ADGRA2: variants seen among roughly 807,000 people sequenced by gnomAD.
ADGRA2 encodes adhesion G protein-coupled receptor A2.
Under a neutral mutation model 98.7 loss-of-function variants are expected in ADGRA2, and 61 were observed. The ratio of observed to expected loss-of-function variants is 0.62; its 90% confidence interval spans 0.50 to 0.76. ADGRA2 has a LOEUF of 0.76. ADGRA2 is among the 30% of genes least tolerant of loss of function. The pLI, the probability that ADGRA2 is intolerant of heterozygous loss-of-function variation, is 0.00. For missense variants in ADGRA2, 1,712 were observed against 1,860.0 expected (o/e 0.92, Z 1.46); for synonymous variants, 858 against 831.5 (o/e 1.03, Z -0.55).
rs1325815393 is a variant in ADGRA2, at chr8:37,830,465, C to T, written c.719-245C>T. On this transcript the variant is annotated intron_variant, in intron 6 of 18. Transcript: ENST00000412232. This position sits in a 1 kb window ranked among gnomAD's most constrained non-coding sequence, Gnocchi z 4.8. Reference sequence around the variant, plus strand: ...ACTGCTTGTTTATGTTTTCATCTGGCCCCACCTCTTGGGGTAACACGTGTG... The same window carrying T: ...ACTGCTTGTTTATGTTTTCATCTGGTCCCACCTCTTGGGGTAACACGTGTG... 6.6e-6 allele frequency among the ~76,000 whole-genome samples: 1 copy of T among 152,176 alleles called. No individual in the cohort carries two copies. The highest frequency in any genetic ancestry group is 2.4e-5 in the African/African-American group (1 of 41,424).
At position 37,844,595 on chromosome 8, in the gene ADGRA2, A is replaced by G. The variant is rs767314999; in HGVS notation, c.*2240A>G. 4.3e-6 allele frequency: 7 copies of G among 1,614,150 alleles called. No homozygotes were observed. Among genetic ancestry groups the G allele is most frequent in the Non-Finnish European group, 5.9e-6 (7 of 1,180,024 alleles). On this transcript the variant is annotated 3_prime_UTR_variant, in exon 19 of 19. Coordinates refer to ENST00000412232, the MANE Select transcript of ADGRA2 (RefSeq NM_032777.10). The stretch of plus-strand genomic sequence containing the variant: ...GCAAATACTGTTCTATTTCACTATC[A>G]GAAATGTTCTCATCTCCAGTGACAG...
chr8:37,799,990 A>C (rs1804450671), intron 1 of ADGRA2, among the ~76,000 whole-genome samples: 1 of 152,120 alleles, frequency 6.6e-6, no homozygotes, highest in Non-Finnish European at 1.5e-5. Context: ...AAGCTGGGCA[A>C]AGGTTCCTTC....
In ADGRA2 at chr8:37,835,245, C is replaced by A. The variant is rs772778001; in HGVS notation, c.1680C>A (p.Ala560=). 6.2e-7 allele frequency: 1 copy of A among 1,614,028 alleles called. No individual in the cohort carries two copies. The highest frequency in any genetic ancestry group is 1.1e-5 in the South Asian group (1 of 91,080). ...GCTACGTGGGCCTGACCTGCACAGCCTTCCAGAGGAGGGAGGGAGGGGTGC... is the reference window on the plus strand; with the variant it reads ...GCTACGTGGGCCTGACCTGCACAGCATTCCAGAGGAGGGAGGGAGGGGTGC... ...PHSYVGLTCT[A]FQRREGGVPG... The change falls in exon 12 of 19, where the codon GCC becomes GCA. Residue 560 remains alanine (A), a synonymous_variant. Transcript: ENST00000412232.
intron 16 of ADGRA2, 105 bp from the exon 17 acceptor site, chr8:37,840,016 G>T: frequency 9.2e-7 from 1 of 1,081,640 alleles, no homozygotes; most frequent in Non-Finnish European, 1.3e-6. Flanking sequence ...TAAAAAAGCT[G>T]GGGGCCGGAG....
intron 2 of ADGRA2, among the ~76,000 whole-genome samples, chr8:37,817,535 T>C (rs1249875644): frequency 6.6e-6 from 1 of 151,332 alleles, no homozygotes; most frequent in African/African-American, 2.4e-5. Context: ...TGAGACCCTG[T>C]CTCTAGAAAA....
intron 2 of ADGRA2, among the ~76,000 whole-genome samples, chr8:37,823,638 A>C (rs1805188292): frequency 6.6e-6 from 1 of 152,156 alleles, no homozygotes; most frequent in Non-Finnish European, 1.5e-5. Context: ...CGAACTGTGA[A>C]ACTGTTTTCC....
At position 37,841,049 on chromosome 8, in the gene ADGRA2, C is replaced by G; in HGVS notation, c.2748-37C>G. On this transcript the variant is annotated intron_variant, in intron 18 of 18. Transcript: ENST00000412232. The surrounding 1 kb of genome is among the most constrained non-coding windows in gnomAD (Gnocchi z 5.0). ...GGCCCCCAGCCCCACCCCAGCCATG[C>G]CCCCTGTCCTCATCACTGCTTCTGT... The G allele has an allele frequency of 6.5e-7, 1 of 1,549,008 alleles. No individual in the cohort carries two copies. Among genetic ancestry groups the G allele is most frequent in the Non-Finnish European group, 8.7e-7 (1 of 1,144,640 alleles).
At chr8:37,831,096 A>G (rs1805440096) in intron 7 of ADGRA2, among the ~76,000 whole-genome samples, 173 bp downstream of exon 7, 3 of 152,346 alleles carry the variant, frequency 2.0e-5, no homozygotes, top group African/African-American at 7.2e-5. Context: ...GCTAGAAATA[A>G]ATATCTGATA....
At chr8:37,807,529 T>C (rs1011422055) in intron 1 of ADGRA2, among the ~76,000 whole-genome samples, 2 of 152,234 alleles carry the variant, frequency 1.3e-5, no homozygotes, top group African/African-American at 4.8e-5. Flanking sequence ...GAGGCAATGC[T>C]TCTTTTTTAG....
chr8:37,797,409 G>A lies in ADGRA2; in HGVS notation c.141G>A (p.Ser47=), dbSNP rs772993858. The A allele has an allele frequency of 1.8e-4, 259 of 1,431,974 alleles. 1 individual carries two copies. Among genetic ancestry groups the A allele is most frequent in the South Asian group, 2.9e-5 (2 of 68,638 alleles). 88.7% of individuals were successfully genotyped at this position (1,431,974 alleles called of 1,614,324 possible). ...CPLSIRSCKC[S]GERPKGLSGG... ...TATCCATCCGCAGCTGCAAGTGCTC[G>A]GGGGAGCGGCCCAAGGGGCTGAGCG... is the stretch of plus-strand genomic sequence containing the variant. Residue 47 remains serine (S), a synonymous_variant, in exon 1 of 19, where the codon TCG becomes TCA. Coordinates refer to ENST00000412232, the MANE Select transcript of ADGRA2 (RefSeq NM_032777.10). This position sits in a 1 kb window ranked among gnomAD's most constrained non-coding sequence, Gnocchi z 5.3.
rs1458049241 is a variant in ADGRA2, at chr8:37,841,033, C to T, written c.2748-53C>T. ...TCTCCCCAACCACCCCGGCCCCCAG[C>T]CCCACCCCAGCCATGCCCCCTGTCC... On this transcript the variant is annotated intron_variant, in intron 18 of 18. Coordinates refer to ENST00000412232, the MANE Select transcript of ADGRA2 (RefSeq NM_032777.10). The surrounding 1 kb of genome is among the most constrained non-coding windows in gnomAD (Gnocchi z 5.0). The T allele has an allele frequency of 4.6e-6, 7 of 1,514,768 alleles. No individual in the cohort carries two copies. Among genetic ancestry groups the T allele is most frequent in the Non-Finnish European group, 6.3e-6 (7 of 1,118,932 alleles). 93.8% of individuals were successfully genotyped at this position (1,514,768 alleles called of 1,614,324 possible).
At chr8:37,836,083 ACACACACACACACACC>A (rs1805606195) in intron 13 of ADGRA2, among the ~76,000 whole-genome samples, 2 of 132,630 alleles carry the variant, frequency 1.5e-5, no homozygotes, top group African/African-American at 5.5e-5. Flanking sequence ...ACACACACAC[ACACACACACACACACC>A]CCACAGGCCC....
At chr8:37,818,198 CA>C (rs1805031826) in intron 2 of ADGRA2, among the ~76,000 whole-genome samples, 1 of 152,132 alleles carries the variant, frequency 6.6e-6, no homozygotes, top group Non-Finnish European at 1.5e-5. Context: ...AGGCAAGCCG[CA>C]GTGGTCTCTT....
rs1805699858 is a variant in ADGRA2, at chr8:37,838,956, G to T, written c.2260G>T (p.Glu754Ter). The T allele has an allele frequency of 6.4e-7, 1 of 1,564,732 alleles. No individual in the cohort carries two copies. The highest frequency in any genetic ancestry group is 1.2e-5 in the South Asian group (1 of 82,340). ...QHLGNVAVLM[E>*]LSAFPREVGG... ...CGTCCTCCTTCCTGCCCTTTCCCAG[G>T]AGCTGAGCGCCTTTCCCAGGGAGGT... Residue 754 changes from glutamate to a stop codon, truncating the protein, a stop_gained and splice_region_variant, in exon 15 of 19, where the codon GAG becomes TAG. Transcript: ENST00000412232. LOFTEE classifies it high-confidence loss of function.
intron 16 of ADGRA2, 42 bp from the exon 17 acceptor site, chr8:37,840,079 C>A: frequency 6.6e-7 from 1 of 1,525,708 alleles, no homozygotes; most frequent in Non-Finnish European, 8.8e-7. Context: ...AGGGTCCAGT[C>A]GTAGTCCCCA....
rs755614655 is a variant in ADGRA2, at chr8:37,841,183, C to T, written c.2845C>T (p.Arg949Cys). The change falls in exon 19 of 19, where the codon CGC (arginine) becomes TGC (cysteine). Residue 949 changes from arginine to cysteine, a missense_variant. Coordinates refer to ENST00000412232, the MANE Select transcript of ADGRA2 (RefSeq NM_032777.10). The surrounding 1 kb of genome is among the most constrained non-coding windows in gnomAD (Gnocchi z 5.0). ...TWIYFLCAGL[R>C]LRGPLAQNPK... is the part of the protein sequence containing the mutation. ...GATCTATTTCCTGTGCGCCGGGCTA[C>T]GCTTACGGGGTCCTCTGGCACAGAA... 6.1e-5 allele frequency: 99 copies of T among 1,613,302 alleles called. No individual in the cohort carries two copies. Among genetic ancestry groups the T allele is most frequent in the South Asian group, 7.7e-5 (7 of 91,086 alleles).
At chr8:37,820,424 A>G (rs920803178) in intron 2 of ADGRA2, among the ~76,000 whole-genome samples, 9 of 152,206 alleles carry the variant, frequency 5.9e-5, no homozygotes, top group Admixed American at 1.3e-4. Context: ...TTTACATGCT[A>G]TGCAGGCAAT....
chr8:37,840,856 A>AGGGGG lies in ADGRA2; in HGVS notation c.2747+7_2747+8insGGGGG. On this transcript the variant is annotated splice_region_variant and intron_variant, in intron 18 of 18. Transcript: ENST00000412232. Reference sequence around the variant, plus strand: ...ACCGGGACCACAGCCCCTAGTGAGCACCCCTCCCTCCCGCCCCAAGCCTAC... The same window carrying AGGGGG: ...ACCGGGACCACAGCCCCTAGTGAGCAGGGGGCCCCTCCCTCCCGCCCCAAGCCTAC... The AGGGGG allele has an allele frequency of 6.7e-7, 1 of 1,483,354 alleles. No individual in the cohort carries two copies. The highest frequency in any genetic ancestry group is 9.4e-7 in the Non-Finnish European group (1 of 1,067,530). The allele number at this position is 1,483,354 out of a possible 1,614,324, so 91.9% of individuals were successfully genotyped here.
rs1805553900 is a variant in ADGRA2 at position 37,834,610 on chromosome 8, ATACT to A, written c.1608+485_1608+488del. Among the ~76,000 whole-genome samples the A allele has an allele frequency of 6.6e-6, 1 of 152,182 alleles. No individual in the cohort carries two copies. The highest frequency in any genetic ancestry group is 2.4e-5 in the African/African-American group (1 of 41,454). The stretch of plus-strand genomic sequence containing the variant: ...AGCTGAGTCGGGCAACAGAACTGGC[ATACT>A]TAAGAGGTGAGCAAGAAGCCTGTAA... On this transcript the variant is annotated intron_variant, in intron 11 of 18. Coordinates refer to ENST00000412232, the MANE Select transcript of ADGRA2 (RefSeq NM_032777.10). The surrounding 1 kb of genome is among the most constrained non-coding windows in gnomAD (Gnocchi z 4.2).
Sources: allele counts gnomAD v4.1 joint callset (sites outside exome capture counted in the v4.1 genomes callset), GRCh38; gene constraint gnomAD v4.1.1; non-coding constraint Gnocchi (gnomAD v3.1); transcripts MANE v1.5; gene names NCBI Gene and HGNC (gene_info 2026-07-23, HGNC 2026-07-21).